EFCAB6: variants seen among roughly 807,000 people sequenced by gnomAD.
EFCAB6 encodes the protein EF-hand calcium binding domain 6.
Under a neutral mutation model 169.8 loss-of-function variants are expected in EFCAB6, and 156 were observed. The ratio of observed to expected loss-of-function variants is 0.92; its 90% CI spans 0.81 to 1.05. The LOEUF (loss-of-function observed/expected upper bound fraction) is 1.05. Ranked by LOEUF, EFCAB6 falls within the 50% of genes least tolerant of loss-of-function variation. The pLI is 0.00. For missense variants in EFCAB6, 1,800 were observed against 1,829.1 expected (o/e 0.98, Z 0.29); for synonymous variants, 698 against 676.4 (o/e 1.03, Z -0.50).
At chr22:43,787,850 A>C (rs2062137162) in intron 2 of EFCAB6, among the ~76,000 whole-genome samples, 2 of 152,202 alleles carry the variant, frequency 1.3e-5, no homozygotes, top group Non-Finnish European at 2.9e-5. Context: ...CGATTTCAAA[A>C]CTTAATAGAA....
At chr22:43,571,656 C>T (rs1422797927) in intron 26 of EFCAB6, among the ~76,000 whole-genome samples, 2 of 152,160 alleles carry the variant, frequency 1.3e-5, no homozygotes, top group Non-Finnish European at 2.9e-5. Flanking sequence ...CTTCTTTATT[C>T]AGACAAAGGG....
intron 6 of EFCAB6, among the ~76,000 whole-genome samples, chr22:43,747,730 C>T (rs2060616208): frequency 6.6e-6 from 1 of 152,146 alleles, no homozygotes; most frequent in African/African-American, 2.4e-5. Flanking sequence ...TGAGCCCCTG[C>T]TATGTACACA....
chr22:43,743,094 A>G (rs2060433562), intron 6 of EFCAB6, among the ~76,000 whole-genome samples: 1 of 152,276 alleles, frequency 6.6e-6, no homozygotes, highest in Non-Finnish European at 1.5e-5. Flanking sequence ...AGTGATCACT[A>G]AAAATAAAAA....
Position 43,782,258 on chromosome 22 carries a change from T to C in EFCAB6, c.61A>G (p.Thr21Ala). 1.2e-6 allele frequency: 2 copies of C among 1,614,118 alleles called. No individual in the cohort carries two copies. The highest frequency in any genetic ancestry group is 1.7e-6 in the Non-Finnish European group (2 of 1,179,966). Residue 21 changes from threonine (T) to alanine (A), a missense_variant, in exon 3 of 32, where the codon ACA becomes GCA. Thr to Ala is a moderately conservative substitution (Grantham distance 58, BLOSUM62 0). Coordinates refer to ENST00000262726, the MANE Select transcript of EFCAB6 (RefSeq NM_022785.4). ...LRSHPHTRKF[T>A]HSRPHSSPCR... ...GGTGAAGAATGGGGTCTTGAATGTGTAAATTTTCGTGTGTGAGGATGCGAC... is the reference window on the plus strand; with the variant it reads ...GGTGAAGAATGGGGTCTTGAATGTGCAAATTTTCGTGTGTGAGGATGCGAC...
chr22:43,735,204 T>C (rs987839666), intron 7 of EFCAB6, among the ~76,000 whole-genome samples: 2 of 152,042 alleles, frequency 1.3e-5, no homozygotes, highest in South Asian at 4.2e-4. Flanking sequence ...CTCAAAAAAA[T>C]GCCCGTGCAG....
In EFCAB6 at chr22:43,554,932, G is replaced by C; in HGVS notation, c.3585C>G (p.Thr1195=). 6.2e-7 allele frequency: 1 copy of C among 1,614,150 alleles called. No individual in the cohort carries two copies. The highest frequency in any genetic ancestry group is 1.1e-5 in the South Asian group (1 of 91,072). The part of the protein sequence containing the change: ...FENFDTMKTN[T]ISREEFRAIC... ...TGGCCCTAAACTCCTCTCTGGAGAT[G>C]GTGTTCGTTTTCATGGTGTCAAAAT... is the stretch of plus-strand genomic sequence containing the variant. The change falls in exon 27 of 32, where the codon ACC becomes ACG. Residue 1195 remains threonine, a synonymous_variant. Coordinates refer to ENST00000262726, the MANE Select transcript of EFCAB6 (RefSeq NM_022785.4).
At chr22:43,779,474 G>A (rs1383587341) in intron 3 of EFCAB6, among the ~76,000 whole-genome samples, 1 of 152,210 alleles carries the variant, frequency 6.6e-6, no homozygotes, top group African/African-American at 2.4e-5. Flanking sequence ...GGGCACGGTG[G>A]CTCATGCCTG....
At chr22:43,627,304 C>A (rs1274235535) in intron 19 of EFCAB6, among the ~76,000 whole-genome samples, 1 of 152,160 alleles carries the variant, frequency 6.6e-6, no homozygotes, top group African/African-American at 2.4e-5. Context: ...TGACTAGAGA[C>A]CCTGATGTGT....
At chr22:43,570,432 A>C (rs1224287993) in intron 26 of EFCAB6, among the ~76,000 whole-genome samples, 2 of 152,192 alleles carry the variant, frequency 1.3e-5, no homozygotes, top group Non-Finnish European at 2.9e-5. Context: ...GGAAATGTTA[A>C]ACAGGAACGA....
chr22:43,621,926 T>C (rs1440908148), intron 20 of EFCAB6, among the ~76,000 whole-genome samples: 1 of 152,206 alleles, frequency 6.6e-6, no homozygotes, highest in East Asian at 1.9e-4. Flanking sequence ...TTCCATGAAT[T>C]TGACAACCTT....
intron 6 of EFCAB6, among the ~76,000 whole-genome samples, chr22:43,746,728 T>C (rs1454721580): frequency 6.6e-6 from 1 of 152,194 alleles, no homozygotes; most frequent in Non-Finnish European, 1.5e-5. Flanking sequence ...CTGGGCAATA[T>C]AGTAAGACCC....
At chr22:43,611,249 T>A (rs749448935) in intron 21 of EFCAB6, among the ~76,000 whole-genome samples, 1 of 152,138 alleles carries the variant, frequency 6.6e-6, no homozygotes, top group East Asian at 1.9e-4. Flanking sequence ...CCATTCACAA[T>A]TGCCACAAAA....
At chr22:43,558,620 T>C (rs933189549) in intron 26 of EFCAB6, among the ~76,000 whole-genome samples, 1 of 152,172 alleles carries the variant, frequency 6.6e-6, no homozygotes, top group African/African-American at 2.4e-5. Flanking sequence ...TTTTAAGGAA[T>C]TGGCAGTGCC....
intron 10 of EFCAB6, among the ~76,000 whole-genome samples, chr22:43,697,628 C>T (rs1407523740): frequency 1.3e-5 from 2 of 151,960 alleles, no homozygotes; most frequent in African/African-American, 2.4e-5. Context: ...CATGAATAAC[C>T]ATCCTTAACC....
intron 26 of EFCAB6, among the ~76,000 whole-genome samples, chr22:43,564,825 A>C (rs968833390): frequency 6.6e-6 from 1 of 152,212 alleles, no homozygotes; most frequent in Non-Finnish European, 1.5e-5. Context: ...GTTTTCCACC[A>C]AATTGTATCC....
At chr22:43,732,257 T>G (rs762865585) in intron 7 of EFCAB6, among the ~76,000 whole-genome samples, 18 of 152,022 alleles carry the variant, frequency 1.2e-4, no homozygotes, top group Admixed American at 3.9e-4. Context: ...AATGGAGAGC[T>G]GGGTGGAGGA....
intron 26 of EFCAB6, among the ~76,000 whole-genome samples, chr22:43,565,016 G>A (rs1470744762): frequency 6.6e-6 from 1 of 152,160 alleles, no homozygotes; most frequent in African/African-American, 2.4e-5. Context: ...CCTTTGCCAG[G>A]GGGGGCTTTG....
At position 43,620,309 on chromosome 22, in the gene EFCAB6, A is replaced by AAAAAAAGAAAAGAAAAG. The variant is rs1199146413; in HGVS notation, c.2466-4404_2466-4388dup. Among the ~76,000 whole-genome samples, 3 of 152,226 alleles carry AAAAAAAGAAAAGAAAAG rather than the reference A, an allele frequency of 2.0e-5. No homozygotes were observed. The East Asian group carries it at 5.8e-4, about 29-fold the overall frequency. Reference sequence around the variant, plus strand: ...GGGTGACAGAGTGAGAGAGCTAGTTAAAAAAAGAAAAGAAAAGAAAAAAGA... The same window carrying AAAAAAAGAAAAGAAAAG: ...GGGTGACAGAGTGAGAGAGCTAGTTAAAAAAAGAAAAGAAAAGAAAAAAGAAAAGAAAAGAAAAAAGA... On this transcript the variant is annotated intron_variant, in intron 20 of 31. Coordinates refer to ENST00000262726, the MANE Select transcript of EFCAB6 (RefSeq NM_022785.4).
chr22:43,678,387 C>G (rs1218581898), intron 12 of EFCAB6, among the ~76,000 whole-genome samples: 1 of 146,586 alleles, frequency 6.8e-6, no homozygotes, highest in Non-Finnish European at 1.5e-5. Context: ...CTAGAACTTT[C>G]CAGGTGCAGT....
Sources: gnomAD v4.1 joint callset for allele counts (sites outside exome capture counted in the v4.1 genomes callset) on GRCh38, gnomAD v4.1.1 for gene constraint, MANE v1.5 for transcripts, NCBI Gene and HGNC (gene_info 2026-07-23, HGNC 2026-07-21) for gene names.